The following ARIH1 variants were observed in gnomAD, a reference collection of about 807,000 sequenced individuals.
ARIH1 encodes the protein ariadne RBR E3 ubiquitin protein ligase 1, also known as E3 ubiquitin-protein ligase ARIH1.
In ARIH1, 8 loss-of-function variants were observed where a neutral mutation model predicts 85.0. The observed-to-expected ratio is 0.09, with a 90% CI of 0.06 to 0.17. ARIH1 has a LOEUF of 0.17. Among genes scored for constraint, ARIH1 ranks in the 10% least tolerant of loss-of-function variants. ARIH1 has a pLI of 1.00. For synonymous variants in ARIH1, 238 were observed against 253.6 expected (o/e 0.94, Z 0.59); for missense variants, 311 against 718.1 (o/e 0.43, Z 6.48).
intron 10 of ARIH1, among the ~76,000 whole-genome samples, chr15:72,570,768 A>T (rs941043145): frequency 6.6e-6 from 1 of 152,014 alleles, no homozygotes; most frequent in Non-Finnish European, 1.5e-5. Context: ...GCTTTGTCAT[A>T]TTTTTTCTTT....
chr15:72,523,719 G>T (rs1267609328), intron 2 of ARIH1, among the ~76,000 whole-genome samples: 3 of 152,008 alleles, frequency 2.0e-5, no homozygotes, highest in African/African-American at 7.3e-5. Flanking sequence ...TGATAGGGAG[G>T]CTATGGGTAT....
chr15:72,518,314 A>G (rs952485318), intron 2 of ARIH1, among the ~76,000 whole-genome samples, 180 bp downstream of exon 2: 2 of 152,032 alleles, frequency 1.3e-5, no homozygotes, highest in African/African-American at 2.4e-5. Flanking sequence ...AGTAAATTTA[A>G]TGTTAGGGAG....
chr15:72,477,674 A>G (rs2063799903), intron 1 of ARIH1, among the ~76,000 whole-genome samples: 1 of 152,114 alleles, frequency 6.6e-6, no homozygotes, highest in Non-Finnish European at 1.5e-5. Flanking sequence ...GGCTTTCTAT[A>G]ATTTCCCAAT....
chr15:72,507,117 G>T (rs533991578), intron 1 of ARIH1, among the ~76,000 whole-genome samples: 1 of 152,042 alleles, frequency 6.6e-6, no homozygotes. Flanking sequence ...CTGCCTCCTG[G>T]GTTCAAGTGT....
intron 6 of ARIH1, among the ~76,000 whole-genome samples, chr15:72,562,697 C>T (rs1385938814): frequency 1.3e-5 from 2 of 151,434 alleles, no homozygotes; most frequent in East Asian, 1.9e-4. Flanking sequence ...AGCTTCTAAA[C>T]ACCTTCCTTG....
At position 72,555,272 on chromosome 15, in the gene ARIH1, A is replaced by G. The variant is rs769496771; in HGVS notation, c.590A>G (p.Tyr197Cys). The G allele has an allele frequency of 1.9e-6, 3 of 1,610,624 alleles. No individual in the cohort carries two copies. Among genetic ancestry groups the G allele is most frequent in the Non-Finnish European group, 2.5e-6 (3 of 1,177,084 alleles). ...GTTCATGTTTTGTTTTTCTTACAGT[A>G]TTTCACTGGCCTTGAATGTGGACAT... ...QICYLNYPNSYFTGLECGHKF... is the reference protein window; with the variant it reads ...QICYLNYPNSCFTGLECGHKF... The change falls in exon 4 of 14, where the codon TAT becomes TGT. Residue 197 changes from tyrosine to cysteine, a missense_variant and splice_region_variant. Physicochemically the swap from Tyr to Cys is radical, Grantham distance 194. Around this residue, in one of 3 missense-constraint regions of ARIH1, gnomAD observed 104 missense variants for 221.4 expected, o/e 0.47. Coordinates refer to ENST00000379887, the MANE Select transcript of ARIH1 (RefSeq NM_005744.5).
chr15:72,579,844 C>T lies in ARIH1; in HGVS notation c.1216-887C>T, dbSNP rs76116246. Among the ~76,000 whole-genome samples, 478 of 152,200 alleles carry T rather than the reference C, an allele frequency of 3.1e-3. 3 individuals are homozygous for T. The highest frequency in any genetic ancestry group is 0.011 in the African/African-American group (461 of 41,530). On this transcript the variant is annotated intron_variant, in intron 11 of 13. Transcript: ENST00000379887. Reference sequence around the variant, plus strand: ...TTAATGGACAAATCATAATTATACACATTTATGGAGTACAGTGGAATGTTT... The same window carrying T: ...TTAATGGACAAATCATAATTATACATATTTATGGAGTACAGTGGAATGTTT...
rs142920886 is a variant in ARIH1, at chr15:72,505,124, C to G, written c.376-12943C>G. Among the ~76,000 whole-genome samples, 78 of 152,306 alleles carry G rather than the reference C, an allele frequency of 5.1e-4. No individual in the cohort carries two copies. The East Asian group carries it at 0.014, about 28-fold the overall frequency. ...CTCAAACTTTAACATGCATACAGAT[C>G]ACCTCAGGAACACTTGAGGGTCTGT... On this transcript the variant is annotated intron_variant, in intron 1 of 13. Coordinates refer to ENST00000379887, the MANE Select transcript of ARIH1 (RefSeq NM_005744.5).
rs1483332444 is a variant in ARIH1, at chr15:72,588,402, C to T, written c.*5110C>T. 3 of 152,144 alleles carry T rather than the reference C, an allele frequency of 2.0e-5. No homozygotes were observed. The highest frequency in any genetic ancestry group is 3.8e-4 in the East Asian group (2 of 5,200). 9.4% of individuals were successfully genotyped at this position (152,144 alleles called of 1,614,324 possible). ...GAGAAGCTTTAAAAAATATTAGTGC[C>T]TGAGTGTTACTTTATGGAGATTATG... On this transcript the variant is annotated 3_prime_UTR_variant, in exon 14 of 14. Transcript: ENST00000379887.
intron 2 of ARIH1, among the ~76,000 whole-genome samples, chr15:72,538,072 T>A (rs917777838): frequency 6.6e-6 from 1 of 152,160 alleles, no homozygotes; most frequent in African/African-American, 2.4e-5. Context: ...AGTTTAAGAA[T>A]AAGCATAGAG....
rs559511311 is a variant in ARIH1 at position 72,523,810 on chromosome 15, GT to G, written c.443+5686del. On this transcript the variant is annotated intron_variant, in intron 2 of 13. Coordinates refer to ENST00000379887, the MANE Select transcript of ARIH1 (RefSeq NM_005744.5). Reference sequence around the variant, plus strand: ...CTTAAACTGCTCTAAAAAATAATAAGTTTTTTTTTTCTTTTAAAGGGGGAAA... The same window carrying G: ...CTTAAACTGCTCTAAAAAATAATAAGTTTTTTTTTCTTTTAAAGGGGGAAA... 1.5e-3 allele frequency among the ~76,000 whole-genome samples: 203 copies of G among 139,140 alleles called. 1 individual carries two copies. The highest frequency in any genetic ancestry group is 5.1e-3 in the African/African-American group (186 of 36,558). The allele number at this position is 139,140 out of a possible 152,430, so 91.3% of individuals were successfully genotyped here.
intron 1 of ARIH1, among the ~76,000 whole-genome samples, chr15:72,508,937 A>G (rs1369862004): frequency 6.7e-6 from 1 of 148,954 alleles, no homozygotes; most frequent in African/African-American, 2.5e-5. Context: ...TAGGTGATCT[A>G]CCCGCCTTAG....
At chr15:72,475,123 GTGCCTCCCGGCCTTGTCTTCTCCGC>G (rs1373090356) in intron 1 of ARIH1, 109 bp downstream of exon 1, 17 of 1,460,212 alleles carry the variant, frequency 1.2e-5, no homozygotes, top group Middle Eastern at 2.2e-4. Flanking sequence ...GCCTAGCCCG[GTGCCTCCCGGCCTTGTCTTCTCCGC>G]TGCCTCTGCT....
intron 1 of ARIH1, among the ~76,000 whole-genome samples, chr15:72,509,022 T>A (rs2063938850): frequency 6.7e-6 from 1 of 150,088 alleles, no homozygotes; most frequent in African/African-American, 2.5e-5. Context: ...GACTGAGTCT[T>A]GCTCTGTTGC....
At chr15:72,487,940 C>T (rs1196907265) in intron 1 of ARIH1, among the ~76,000 whole-genome samples, 1 of 152,162 alleles carries the variant, frequency 6.6e-6, no homozygotes, top group Non-Finnish European at 1.5e-5. Flanking sequence ...CCCCCAGTTG[C>T]ACTGTTTGTA....
At chr15:72,533,812 TG>T (rs559827434) in intron 2 of ARIH1, among the ~76,000 whole-genome samples, 11 of 152,046 alleles carry the variant, frequency 7.2e-5, no homozygotes, top group African/African-American at 2.7e-4. Flanking sequence ...GAGGCTGAGG[TG>T]GGAGGATTGC....
intron 1 of ARIH1, among the ~76,000 whole-genome samples, chr15:72,499,922 CT>C (rs1311065038): frequency 2.6e-5 from 4 of 152,126 alleles, no homozygotes; most frequent in African/African-American, 9.7e-5. Flanking sequence ...TTTTTCCCCC[CT>C]GCAACACTCT....
At chr15:72,522,623 G>C (rs2064005310) in intron 2 of ARIH1, among the ~76,000 whole-genome samples, 2 of 152,122 alleles carry the variant, frequency 1.3e-5, no homozygotes, top group Non-Finnish European at 2.9e-5. Context: ...AGTAGAAAAG[G>C]TATTTAAGAT....
intron 2 of ARIH1, among the ~76,000 whole-genome samples, chr15:72,522,615 T>A (rs186877948): frequency 2.2e-4 from 34 of 151,956 alleles, no homozygotes; most frequent in African/African-American, 8.0e-4. Context: ...CCAAAGAAAG[T>A]AGAAAAGGTA....
Sources: gnomAD v4.1 joint callset for allele counts (sites outside exome capture counted in the v4.1 genomes callset) on GRCh38, gnomAD v4.1.1 for gene constraint, gnomAD v4.1.1 regional missense constraint, MANE v1.5 for transcripts, NCBI Gene and HGNC (gene_info 2026-07-23, HGNC 2026-07-21) for gene names.